MALRD1: variants seen among roughly 807,000 people sequenced by gnomAD.
MALRD1 encodes the protein MAM and LDL receptor class A domain containing 1.
In MALRD1, 247 loss-of-function variants were observed where a neutral mutation model predicts 242.1. That is an observed-to-expected ratio of 1.02 (90% CI 0.92 to 1.13). The LOEUF (loss-of-function observed/expected upper bound fraction) is 1.13, where lower values mean the gene tolerates loss of function less well. Ranked by LOEUF, MALRD1 falls within the 50% of genes most tolerant of loss-of-function variation. MALRD1 has a pLI of 0.00. For missense variants in MALRD1, 2,989 were observed against 2,533.1 expected, an observed-to-expected ratio of 1.18 and a Z score of -3.86; for synonymous variants, 995 against 866.6, an observed-to-expected ratio of 1.15 and a Z score of -2.60.
chr10:19,265,993 G>A (rs2131832833), intron 19 of MALRD1, among the ~76,000 whole-genome samples: 1 of 151,314 alleles, frequency 6.6e-6, no homozygotes, highest in East Asian at 1.9e-4. Flanking sequence ...ACCATTTTTT[G>A]CTTAAAGTAT....
At chr10:19,491,331 T>A (rs888674283) in intron 29 of MALRD1, 186 bp from the exon 30 acceptor site, 6 of 745,484 alleles carry the variant, frequency 8.0e-6, no homozygotes, top group Non-Finnish European at 8.7e-6. Flanking sequence ...AAGTAGAGTC[T>A]ATATAACTTG....
At chr10:19,071,400 A>C (rs1564372758) in intron 2 of MALRD1, among the ~76,000 whole-genome samples, 2 of 151,456 alleles carry the variant, frequency 1.3e-5, no homozygotes, top group East Asian at 3.9e-4. Flanking sequence ...GGCCCAGGAG[A>C]GAGCAGTCCT....
At chr10:19,068,655 C>G (rs1031611032) in intron 2 of MALRD1, among the ~76,000 whole-genome samples, 1 of 152,072 alleles carries the variant, frequency 6.6e-6, no homozygotes, top group Admixed American at 6.6e-5. Flanking sequence ...TAGTCTCTAG[C>G]AATAATTTTA....
At chr10:19,719,155 TATATATATATATATACATAC>T (rs1428514938) in intron 38 of MALRD1, among the ~76,000 whole-genome samples, 7 of 91,466 alleles carry the variant, frequency 7.7e-5, no homozygotes, top group Non-Finnish European at 1.4e-4. Context: ...CTGTCCAAAT[TATATATATATATATACATAC>T]ATATATATAT....
In MALRD1 at chr10:19,323,963, G is replaced by C; in HGVS notation, c.3434G>C (p.Gly1145Ala). ...SVDHTQNTTD[G>A]WYLYADSSNG... ...TCCTTTTCCAGAAATACCACTGATGGCTGGTACCTGTATGCTGACAGTTCT... is the reference window on the plus strand; with the variant it reads ...TCCTTTTCCAGAAATACCACTGATGCCTGGTACCTGTATGCTGACAGTTCT... The change falls in exon 22 of 40, where the codon GGC becomes GCC. Residue 1145 changes from glycine (G) to alanine (A), a missense_variant. Transcript: ENST00000454679. 6.4e-7 allele frequency: 1 copy of C among 1,550,636 alleles called. No homozygotes were observed. The highest frequency in any genetic ancestry group is 8.7e-7 in the Non-Finnish European group (1 of 1,146,850).
At chr10:19,547,887 G>GTGTA (rs1223086310) in intron 32 of MALRD1, among the ~76,000 whole-genome samples, 1 of 115,776 alleles carries the variant, frequency 8.6e-6, no homozygotes, top group Non-Finnish European at 1.7e-5. Flanking sequence ...CATTCAGCAA[G>GTGTA]TGTATGTATG....
At chr10:19,311,340 GAA>G (rs1024995991) in intron 21 of MALRD1, among the ~76,000 whole-genome samples, 94 of 151,370 alleles carry the variant, frequency 6.2e-4, no homozygotes, top group African/African-American at 2.2e-3. Flanking sequence ...AGAATTTGGG[GAA>G]ATTCCTAGGT....
At chr10:19,688,629 G>T (rs2131814263) in intron 36 of MALRD1, among the ~76,000 whole-genome samples, 1 of 152,256 alleles carries the variant, frequency 6.6e-6, no homozygotes, top group Non-Finnish European at 1.5e-5. Context: ...TCTAGTTAGT[G>T]CAGACAGGAT....
At chr10:19,621,526 G>A (rs1383976320) in intron 36 of MALRD1, among the ~76,000 whole-genome samples, 1 of 151,454 alleles carries the variant, frequency 6.6e-6, no homozygotes, top group Middle Eastern at 3.2e-3. Flanking sequence ...TAACAAAGGT[G>A]CAAAAGTAAG....
chr10:19,729,721 CTTTTTTTTTTTT>C (rs35279728), intron 38 of MALRD1, among the ~76,000 whole-genome samples: 5 of 40,696 alleles, frequency 1.2e-4, no homozygotes, highest in Non-Finnish European at 2.1e-4. Flanking sequence ...TCTATTAATT[CTTTTTTTTTTTT>C]TTTTTTTTTT....
chr10:19,060,080 C>T lies in MALRD1; in HGVS notation c.200-6639C>T, dbSNP rs541677191. On this transcript the variant is annotated intron_variant, in intron 1 of 39. Coordinates refer to ENST00000454679, the MANE Select transcript of MALRD1 (RefSeq NM_001142308.3). ...TTCAGAGTCTGGCACTTTTTCTTCC[C>T]CATCACAACTGCCCATCTGGGTGTC... Among the ~76,000 whole-genome samples, 80 of 152,264 alleles carry T rather than the reference C, an allele frequency of 5.3e-4. 1 individual carries two copies. The highest frequency in any genetic ancestry group is 1.9e-3 in the African/African-American group (80 of 41,560).
intron 32 of MALRD1, among the ~76,000 whole-genome samples, chr10:19,540,710 A>G (rs1834928865): frequency 6.6e-6 from 1 of 152,190 alleles, no homozygotes. Context: ...TTCTCCAGGC[A>G]TATGTTGAGT....
At chr10:19,294,805 A>T (rs905568611) in intron 21 of MALRD1, among the ~76,000 whole-genome samples, 2 of 152,308 alleles carry the variant, frequency 1.3e-5, no homozygotes, top group East Asian at 3.9e-4. Context: ...TCACTATGGA[A>T]AGAAAAATAC....
chr10:19,326,915 G>A (rs1249123900), intron 22 of MALRD1, among the ~76,000 whole-genome samples: 1 of 152,026 alleles, frequency 6.6e-6, no homozygotes, highest in Non-Finnish European at 1.5e-5. Context: ...TTGAGCCTTA[G>A]TTACTCTCTT....
chr10:19,718,286 G>T (rs1252778790), intron 38 of MALRD1, among the ~76,000 whole-genome samples: 1 of 151,920 alleles, frequency 6.6e-6, no homozygotes, highest in Non-Finnish European at 1.5e-5. Flanking sequence ...AAAGAAAAGG[G>T]GCTTAGTTGG....
intron 18 of MALRD1, among the ~76,000 whole-genome samples, chr10:19,236,970 A>G (rs1217657554): frequency 6.6e-6 from 1 of 152,054 alleles, no homozygotes; most frequent in Non-Finnish European, 1.5e-5. Context: ...AACATTTTAA[A>G]ATTGTTATTT....
chr10:19,107,044 T>C (rs1179846761), intron 5 of MALRD1, among the ~76,000 whole-genome samples: 1 of 152,018 alleles, frequency 6.6e-6, no homozygotes, highest in Non-Finnish European at 1.5e-5. Context: ...TTTTGTGGCC[T>C]AACATTTGAT....
At chr10:19,304,436 C>G (rs1216808113) in intron 21 of MALRD1, among the ~76,000 whole-genome samples, 1 of 151,590 alleles carries the variant, frequency 6.6e-6, no homozygotes, top group African/African-American at 2.4e-5. Flanking sequence ...AGATTCTTGA[C>G]TAATATAGCA....
intron 26 of MALRD1, among the ~76,000 whole-genome samples, chr10:19,360,964 C>T (rs1360143234): frequency 6.6e-6 from 1 of 151,650 alleles, no homozygotes; most frequent in African/African-American, 2.4e-5. Flanking sequence ...CTCATTATTA[C>T]ACGAATTAAC....
Sources: gnomAD v4.1 joint callset for allele counts (sites outside exome capture counted in the v4.1 genomes callset) on GRCh38, gnomAD v4.1.1 for gene constraint, MANE v1.5 for transcripts, NCBI Gene and HGNC (gene_info 2026-07-23, HGNC 2026-07-21) for gene names.